ZNF771: variants seen among roughly 807,000 people sequenced by gnomAD.
ZNF771 encodes mesenchymal stem cell protein DSC43.
ZNF771 carries 10 observed loss-of-function variants against 27.6 expected under a neutral mutation model. The observed-to-expected ratio is 0.36, with a 90% CI of 0.22 to 0.61. The LOEUF is 0.61. Ranked by LOEUF, ZNF771 falls within the 20% of genes least tolerant of loss-of-function variation. The pLI is 0.70. For synonymous variants in ZNF771, 261 were observed against 225.2 expected, an observed-to-expected ratio of 1.16 and a Z score of -1.43; for missense variants, 438 against 503.7, an observed-to-expected ratio of 0.87 and a Z score of 1.25.
intron 1 of ZNF771, 105 bp from the exon 2 acceptor site, chr16:30,407,940 G>A: frequency 1.3e-6 from 1 of 788,888 alleles, no homozygotes; most frequent in Non-Finnish European, 2.0e-6. Context: ...GGGCAGGGCG[G>A]GAGAAGCCAC....
rs2050151753 is a variant in ZNF771 at position 30,418,608 on chromosome 16, C to T, written c.*241C>T. 1 of 413,528 alleles carries T rather than the reference C, an allele frequency of 2.4e-6. No homozygotes were observed. Among genetic ancestry groups the T allele is most frequent in the Non-Finnish European group, 4.2e-6 (1 of 238,034 alleles). The allele number at this position is 413,528 out of a possible 1,614,324, so 25.6% of individuals were successfully genotyped here. On this transcript the variant is annotated 3_prime_UTR_variant, in exon 3 of 3. Transcript: ENST00000319296. ...TATTATATCCTCACCCCACCCGTGC[C>T]TGTGAGTGAGGTGGGTGGGAGAGGA...
Position 30,418,316 on chromosome 16 carries a change from C to A in ZNF771, c.903C>A (p.Gly301=). 6.7e-7 allele frequency: 1 copy of A among 1,482,442 alleles called. No individual in the cohort carries two copies. The highest frequency in any genetic ancestry group is 1.3e-5 in the South Asian group (1 of 77,918). 91.8% of individuals were successfully genotyped at this position (1,482,442 alleles called of 1,614,324 possible). A position where few individuals can be genotyped will look rare whatever the true frequency, so the allele number is the denominator to read the frequency against. ...GCAGGGACTTCAAGCTGCCCCCTGG[C>A]GCCACGGCCGCCACTGCCACCGAGC... ...GCGRDFKLPP[G]ATAATATERC... is the part of the protein sequence containing the mutation. Residue 301 remains glycine (G), a synonymous_variant, in exon 3 of 3, where the codon GGC becomes GGA. Transcript: ENST00000319296.
intron 1 of ZNF771, 111 bp from the exon 2 acceptor site, chr16:30,407,934 A>G (rs2050084164): frequency 1.7e-6 from 1 of 603,400 alleles, no homozygotes; most frequent in Non-Finnish European, 2.7e-6. Context: ...AGACCAGGGC[A>G]GGGCGGGAGA....
chr16:30,417,242 G>A (rs1449803352), intron 2 of ZNF771, among the ~76,000 whole-genome samples: 2 of 152,204 alleles, frequency 1.3e-5, no homozygotes, highest in African/African-American at 2.4e-5. Flanking sequence ...CATTATTTCT[G>A]AAAGCAGGAA....
intron 2 of ZNF771, among the ~76,000 whole-genome samples, chr16:30,416,645 GGCTTCT>G (rs1248657489): frequency 2.6e-5 from 4 of 151,934 alleles, no homozygotes; most frequent in African/African-American, 9.7e-5. Context: ...CTCCTCACTG[GGCTTCT>G]GCTTCTGCTC....
chr16:30,411,273 T>TGCAC (rs2050102307), intron 2 of ZNF771, among the ~76,000 whole-genome samples: 1 of 150,838 alleles, frequency 6.6e-6, no homozygotes, highest in East Asian at 2.0e-4. Flanking sequence ...GAGCTGAGAT[T>TGCAC]GCACCGCTGC....
At chr16:30,415,267 A>ATTTC (rs1489677733) in intron 2 of ZNF771, among the ~76,000 whole-genome samples, 1 of 151,372 alleles carries the variant, frequency 6.6e-6, no homozygotes, top group Non-Finnish European at 1.5e-5. Flanking sequence ...TTATTTTCTA[A>ATTTC]TTTCTGAGTT....
chr16:30,417,460 G>A, intron 2 of ZNF771, 95 bp from the exon 3 acceptor site: 1 of 840,966 alleles, frequency 1.2e-6, no homozygotes, highest in Non-Finnish European at 1.6e-6. Flanking sequence ...CATAGATGGG[G>A]AACTGAGGCT....
Position 30,418,038 on chromosome 16 carries a change from G to A in ZNF771, c.625G>A (p.Gly209Ser). 2.1e-6 allele frequency: 3 copies of A among 1,447,648 alleles called. No individual in the cohort carries two copies. Among genetic ancestry groups the A allele is most frequent in the East Asian group, 2.9e-5 (1 of 34,724 alleles). 89.7% of individuals were successfully genotyped at this position (1,447,648 alleles called of 1,614,324 possible). A position where few individuals can be genotyped will look rare whatever the true frequency, so the allele number is the denominator to read the frequency against. The change falls in exon 3 of 3, where the codon GGC becomes AGC. Residue 209 changes from glycine to serine, a missense_variant. Physicochemically the swap from Gly to Ser is moderately conservative, Grantham distance 56 (BLOSUM62 0). Transcript: ENST00000319296. ...GCGGCCCTACGCTTGCGCCGACTGC[G>A]GCACGCGCTTCGCTCAGAGCTCGGC... ...GERPYACADCGTRFAQSSALA... is the reference protein window; with the variant it reads ...GERPYACADCSTRFAQSSALA...
intron 2 of ZNF771, among the ~76,000 whole-genome samples, chr16:30,410,695 G>A (rs2050099227): frequency 6.6e-6 from 1 of 151,686 alleles, no homozygotes; most frequent in African/African-American, 2.4e-5. Context: ...GACGTACTGT[G>A]TTAGGTTCTG....
At chr16:30,408,008 G>GGGGC in intron 1 of ZNF771, 37 bp from the exon 2 acceptor site, 1 of 770,274 alleles carries the variant, frequency 1.3e-6, no homozygotes, top group East Asian at 4.6e-5. Context: ...GTGGGGGGGG[G>GGGGC]CGGGTCCTGA....
At chr16:30,415,480 T>TTCAAGCAGTTCCCTGCC (rs1392601615) in intron 2 of ZNF771, among the ~76,000 whole-genome samples, 1 of 146,102 alleles carries the variant, frequency 6.8e-6, no homozygotes, top group Non-Finnish European at 1.5e-5. Context: ...ACCTCCCGGG[T>TTCAAGCAGTTCCCTGCC]TCAAGCAGTT....
chr16:30,418,710 G>A lies in ZNF771; in HGVS notation c.*343G>A, dbSNP rs1050096274. ...AAATGGGGATGTAAACCTAAAAGGGGTTCCCGGCACCTCGGTTTGTGTTGG... is the reference window on the plus strand; with the variant it reads ...AAATGGGGATGTAAACCTAAAAGGGATTCCCGGCACCTCGGTTTGTGTTGG... On this transcript the variant is annotated 3_prime_UTR_variant, in exon 3 of 3. Transcript: ENST00000319296. 3.4e-6 allele frequency: 1 copy of A among 291,412 alleles called. No individual in the cohort carries two copies. Among genetic ancestry groups the A allele is most frequent in the Non-Finnish European group, 6.3e-6 (1 of 158,504 alleles). The allele number at this position is 291,412 out of a possible 1,614,324, so 18.1% of individuals were successfully genotyped here. A position where few individuals can be genotyped will look rare whatever the true frequency, so the allele number is the denominator to read the frequency against.
Position 30,408,198 on chromosome 16 carries a change from T to G in ZNF771, c.141+4T>G. 2 of 1,613,712 alleles carry G rather than the reference T, an allele frequency of 1.2e-6. No individual in the cohort carries two copies. Among genetic ancestry groups the G allele is most frequent in the Non-Finnish European group, 1.7e-6 (2 of 1,179,762 alleles). On this transcript the variant is annotated splice_donor_region_variant and intron_variant, in intron 2 of 2. Transcript: ENST00000319296. ...GATCCCCATGGACAACAAGGAGGTATGTGTCACACACACCCTGGGGCACAC... is the reference window on the plus strand; with the variant it reads ...GATCCCCATGGACAACAAGGAGGTAGGTGTCACACACACCCTGGGGCACAC...
Position 30,418,216 on chromosome 16 carries a change from T to TCCGCCTAAGCTCGCACTTCATTCG in ZNF771, c.806_829dup (p.Arg269_Arg276dup), listed in dbSNP as rs2050148428. On this transcript the variant is annotated inframe_insertion, in exon 3 of 3. Coordinates refer to ENST00000319296, the MANE Select transcript of ZNF771 (RefSeq NM_001142305.2). ...CCCTGCGCCGAGTGCGGCCGCCGCT[T>TCCGCCTAAGCTCGCACTTCATTCG]CCGCCTAAGCTCGCACTTCATTCGC... 2 of 1,508,322 alleles carry TCCGCCTAAGCTCGCACTTCATTCG rather than the reference T, an allele frequency of 1.3e-6. No individual in the cohort carries two copies. Among genetic ancestry groups the TCCGCCTAAGCTCGCACTTCATTCG allele is most frequent in the Non-Finnish European group, 1.8e-6 (2 of 1,135,156 alleles). The allele number at this position is 1,508,322 out of a possible 1,614,324, so 93.4% of individuals were successfully genotyped here.
intron 2 of ZNF771, among the ~76,000 whole-genome samples, chr16:30,416,117 A>G (rs904462946): frequency 6.6e-6 from 1 of 152,088 alleles, no homozygotes; most frequent in African/African-American, 2.4e-5. Context: ...TTGCTATTCA[A>G]AGCTGATTAA....
chr16:30,411,988 CT>C (rs1316584693), intron 2 of ZNF771, among the ~76,000 whole-genome samples: 1 of 152,202 alleles, frequency 6.6e-6, no homozygotes, highest in Non-Finnish European at 1.5e-5. Flanking sequence ...CCAAACCTAT[CT>C]TTCCCTGGCT....
chr16:30,413,631 G>A (rs754671828), intron 2 of ZNF771: 8 of 431,382 alleles, frequency 1.9e-5, no homozygotes, highest in East Asian at 1.4e-4. Flanking sequence ...GCAGTGGCAC[G>A]TGATTGTAGC....
chr16:30,413,520 A>G, intron 2 of ZNF771: 1 of 295,088 alleles, frequency 3.4e-6, no homozygotes, highest in Non-Finnish European at 7.1e-6. Flanking sequence ...AGACTTTTTT[A>G]AAGTTTGCCC....
Sources: allele counts gnomAD v4.1 joint callset (sites outside exome capture counted in the v4.1 genomes callset), GRCh38; gene constraint gnomAD v4.1.1; transcripts MANE v1.5; gene names NCBI Gene and HGNC (gene_info 2026-07-23, HGNC 2026-07-21).